TBC1D30: variants seen among roughly 807,000 people sequenced by gnomAD.
TBC1D30 encodes TBC1 domain family, member 30.
In TBC1D30, 31 loss-of-function variants were observed where a neutral mutation model predicts 63.2. The ratio of observed to expected loss-of-function variants is 0.49; its 90% CI spans 0.37 to 0.66. The LOEUF is 0.66. Ranked by LOEUF, TBC1D30 falls within the 30% of genes least tolerant of loss-of-function variation. TBC1D30 has a pLI of 0.00. For synonymous variants in TBC1D30, 307 were observed against 361.5 expected, an observed-to-expected ratio of 0.85 and a Z score of 1.71; for missense variants, 810 against 953.6, an observed-to-expected ratio of 0.85 and a Z score of 1.98.
intron 8 of TBC1D30, 125 bp from the exon 9 acceptor site, chr12:64,864,543 G>C: frequency 1.6e-6 from 1 of 610,924 alleles, no homozygotes; most frequent in Non-Finnish European, 2.8e-6. Flanking sequence ...CTCTCCACCT[G>C]CTGTGTAAGG....
intron 1 of TBC1D30, among the ~76,000 whole-genome samples, chr12:64,763,970 T>C (rs1031893951): frequency 4.6e-5 from 7 of 152,248 alleles, no homozygotes; most frequent in Non-Finnish European, 1.0e-4. Context: ...CCCTTTTTCC[T>C]AATCATTATA....
At chr12:64,787,834 G>A (rs977698841) in intron 2 of TBC1D30, among the ~76,000 whole-genome samples, 3 of 152,170 alleles carry the variant, frequency 2.0e-5, no homozygotes, top group Non-Finnish European at 4.4e-5. Flanking sequence ...TTAGGAGTTC[G>A]AGATCAGCCT....
At chr12:64,781,101 C>A in exon 1 of TBC1D30, 1 of 1,003,690 alleles carries the variant, frequency 1.0e-6, no homozygotes, top group Non-Finnish European at 1.2e-6. Flanking sequence ...GAGGAGGAGG[C>A]GGCGGGCGGG....
At chr12:64,787,043 C>T (rs1388315467) in intron 2 of TBC1D30, among the ~76,000 whole-genome samples, 1 of 152,134 alleles carries the variant, frequency 6.6e-6, no homozygotes, top group African/African-American at 2.4e-5. Flanking sequence ...TTCTGTGTTG[C>T]TACAGTAAGT....
At chr12:64,840,867 T>C (rs1200471037) in intron 7 of TBC1D30, among the ~76,000 whole-genome samples, 1 of 152,238 alleles carries the variant, frequency 6.6e-6, no homozygotes, top group East Asian at 1.9e-4. Flanking sequence ...CTATATGTTT[T>C]GAGCATGCAG....
At chr12:64,800,272 T>G (rs1434275020) in intron 2 of TBC1D30, among the ~76,000 whole-genome samples, 4 of 152,128 alleles carry the variant, frequency 2.6e-5, no homozygotes, top group Non-Finnish European at 5.9e-5. Flanking sequence ...AACTAGAGGC[T>G]GGAGGGAAGT....
intron 2 of TBC1D30, among the ~76,000 whole-genome samples, chr12:64,817,598 G>T (rs889034940): frequency 2.6e-5 from 4 of 152,122 alleles, no homozygotes; most frequent in Admixed American, 6.5e-5. Flanking sequence ...CAACATTATT[G>T]TTGATTCCAA....
At chr12:64,866,462 G>A (rs1878222486) in intron 9 of TBC1D30, among the ~76,000 whole-genome samples, 1 of 151,684 alleles carries the variant, frequency 6.6e-6, no homozygotes, top group Non-Finnish European at 1.5e-5. Flanking sequence ...TTGAGACGGA[G>A]TCTTGCTCTG....
intron 1 of TBC1D30, among the ~76,000 whole-genome samples, chr12:64,782,885 A>G (rs1436689245): frequency 6.6e-6 from 1 of 152,186 alleles, no homozygotes; most frequent in Non-Finnish European, 1.5e-5. Flanking sequence ...CTATACACAC[A>G]TATGCGTGCT....
chr12:64,856,500 A>ACT (rs201703783), intron 8 of TBC1D30, among the ~76,000 whole-genome samples: 3,053 of 134,986 alleles, frequency 0.023, 99 homozygotes, highest in African/African-American at 0.11. Context: ...CCAGGCAGAG[A>ACT]CTCATTCTTT....
Position 64,876,981 on chromosome 12 carries a change from G to T in TBC1D30, c.*1193G>T, listed in dbSNP as rs1879134686. 2.2e-6 allele frequency: 1 copy of T among 451,778 alleles called. No homozygotes were observed. The highest frequency in any genetic ancestry group is 2.4e-5 in the Admixed American group (1 of 42,448). 28.0% of individuals were successfully genotyped at this position (451,778 alleles called of 1,614,324 possible). ...AAGTGACTTAGCCACATTTCCTTCA[G>T]TGCAATAGGTGGGTTTAATGCTCTT... is the stretch of plus-strand genomic sequence containing the variant. On this transcript the variant is annotated 3_prime_UTR_variant, in exon 12 of 12. Coordinates refer to ENST00000539867, the MANE Select transcript of TBC1D30 (RefSeq NM_015279.2).
At position 64,875,276 on chromosome 12, in the gene TBC1D30, A is replaced by G; in HGVS notation, c.1774A>G (p.Ile592Val). 2 of 1,536,312 alleles carry G rather than the reference A, an allele frequency of 1.3e-6. No individual in the cohort carries two copies. Among genetic ancestry groups the G allele is most frequent in the Non-Finnish European group, 1.7e-6 (2 of 1,146,908 alleles). ...GGGCTGTGGGGACACCGTAGGGCTG[A>G]TAGATGAGCAGAACGAGGCCAGCAA... Reference protein sequence around the residue: ...HPGCGDTVGLIDEQNEASKTN... With the variant: ...HPGCGDTVGLVDEQNEASKTN... The change falls in exon 12 of 12, where the codon ATA becomes GTA. Residue 592 changes from isoleucine (I) to valine (V), a missense_variant. By Grantham distance (29) the Ile-to-Val change is conservative (BLOSUM62 3). This residue lies in a region of TBC1D30 where 450 missense variants were observed against 473.0 expected (regional missense o/e 0.95). Transcript: ENST00000539867.
chr12:64,772,132 G>A (rs964121143), intron 1 of TBC1D30, among the ~76,000 whole-genome samples: 2 of 151,318 alleles, frequency 1.3e-5, no homozygotes, highest in East Asian at 2.0e-4. Flanking sequence ...GCACATGCCC[G>A]AGGCTGAGGC....
intron 1 of TBC1D30, among the ~76,000 whole-genome samples, chr12:64,784,696 A>C (rs1261340447): frequency 6.6e-6 from 1 of 151,962 alleles, no homozygotes; most frequent in African/African-American, 2.4e-5. Flanking sequence ...GTTTTGACCT[A>C]TAGAAAAACT....
At chr12:64,804,846 G>C (rs1006655485) in intron 2 of TBC1D30, among the ~76,000 whole-genome samples, 2 of 151,394 alleles carry the variant, frequency 1.3e-5, no homozygotes, top group African/African-American at 4.9e-5. Context: ...CCTCAACCCT[G>C]TGATGTGGGG....
chr12:64,825,001 C>T lies in TBC1D30; in HGVS notation c.122C>T (p.Thr41Ile). ...AAGAAGCGCAGCTGCATTTCCCGGACCGCGCCCCGGCTGCTGTGCACCCTG... is the reference window on the plus strand; with the variant it reads ...AAGAAGCGCAGCTGCATTTCCCGGATCGCGCCCCGGCTGCTGTGCACCCTG... ...VLKKRSCISR[T>I]APRLLCTLEP... The change falls in exon 1 of 12, where the codon ACC (threonine) becomes ATC (isoleucine). Residue 41 changes from threonine to isoleucine, a missense_variant. By Grantham distance (89) the Thr-to-Ile change is moderately conservative. Transcript: ENST00000539867. 1 of 1,534,196 alleles carries T rather than the reference C, an allele frequency of 6.5e-7. No homozygotes were observed. The highest frequency in any genetic ancestry group is 8.7e-7 in the Non-Finnish European group (1 of 1,146,428).
intron 11 of TBC1D30, among the ~76,000 whole-genome samples, chr12:64,872,815 G>A (rs957642406): frequency 2.0e-5 from 3 of 152,304 alleles, no homozygotes; most frequent in Admixed American, 6.5e-5. Flanking sequence ...ATCTTACGTG[G>A]ATGGCAGCAG....
intron 2 of TBC1D30, among the ~76,000 whole-genome samples, chr12:64,804,894 G>A (rs1158501849): frequency 6.6e-6 from 1 of 152,132 alleles, no homozygotes; most frequent in Non-Finnish European, 1.5e-5. Context: ...ATGATTCTAA[G>A]TAGAACCGTT....
chr12:64,816,247 G>C (rs1178845809), intron 2 of TBC1D30, among the ~76,000 whole-genome samples: 1 of 152,024 alleles, frequency 6.6e-6, no homozygotes, highest in Non-Finnish European at 1.5e-5. Context: ...TGGCCAGGCT[G>C]GTCTCGAATT....
Sources: gnomAD v4.1 joint callset for allele counts (sites outside exome capture counted in the v4.1 genomes callset) on GRCh38, gnomAD v4.1.1 for gene constraint, gnomAD v4.1.1 regional missense constraint, MANE v1.5 for transcripts, NCBI Gene and HGNC (gene_info 2026-07-23, HGNC 2026-07-21) for gene names.